ASAP1: variants seen among roughly 807,000 people sequenced by gnomAD.
ASAP1 encodes the protein ArfGAP with SH3 domain, ankyrin repeat and PH domain 1.
In ASAP1, 43 loss-of-function variants were observed where a neutral mutation model predicts 145.2. The observed-to-expected ratio is 0.30, with a 90% CI of 0.23 to 0.38. ASAP1 has a LOEUF of 0.38. Among genes scored for constraint, ASAP1 ranks in the 10% least tolerant of loss-of-function variants. The pLI is 1.00. For missense variants in ASAP1, 1,018 were observed against 1,355.3 expected (o/e 0.75, Z 3.91); for synonymous variants, 546 against 515.5 (o/e 1.06, Z -0.80).
Position 130,358,099 on chromosome 8 carries a change from G to A in ASAP1, c.104C>T (p.Thr35Ile). ...ISVSEFIAET[T>I]EDYNSPTTSS... ...CGTGGTGGGCGAGTTGTAGTCCTCGGTGGTCTCGGCGATGAACTCCGAGAC... is the reference window on the plus strand; with the variant it reads ...CGTGGTGGGCGAGTTGTAGTCCTCGATGGTCTCGGCGATGAACTCCGAGAC... Residue 35 changes from threonine to isoleucine, a missense_variant, in exon 3 of 30, where the codon ACC (threonine) becomes ATC (isoleucine). By Grantham distance (89) the Thr-to-Ile change is moderately conservative (BLOSUM62 -1). This residue lies in a region of ASAP1 where 106 missense variants were observed against 134.5 expected (regional missense o/e 0.79). Transcript: ENST00000518721. This position sits in a 1 kb window ranked among gnomAD's most constrained non-coding sequence, Gnocchi z 4.1. 2 of 1,610,292 alleles carry A rather than the reference G, an allele frequency of 1.2e-6. No individual in the cohort carries two copies. The highest frequency in any genetic ancestry group is 8.5e-7 in the Non-Finnish European group (1 of 1,178,848).
At chr8:130,381,402 T>C (rs1169056642) in intron 2 of ASAP1, among the ~76,000 whole-genome samples, 1 of 152,032 alleles carries the variant, frequency 6.6e-6, no homozygotes, top group Admixed American at 6.6e-5. Flanking sequence ...GAAAGAAAAA[T>C]TATTAATGAG....
At chr8:130,271,774 T>C in intron 3 of ASAP1, among the ~76,000 whole-genome samples, 1 of 152,264 alleles carries the variant, frequency 6.6e-6, no homozygotes, top group African/African-American at 2.4e-5. Context: ...CATTTTCACA[T>C]AGTCATCCCT....
At chr8:130,356,188 G>A (rs946214690) in intron 3 of ASAP1, among the ~76,000 whole-genome samples, 3 of 152,116 alleles carry the variant, frequency 2.0e-5, no homozygotes, top group South Asian at 2.1e-4. Context: ...AAATATGCTC[G>A]CATACCTCTA....
intron 3 of ASAP1, 143 bp downstream of exon 3, chr8:130,357,874 G>T: frequency 2.6e-6 from 3 of 1,156,644 alleles, no homozygotes; most frequent in Non-Finnish European, 3.6e-6. Flanking sequence ...CCCGTCCGAA[G>T]TCCCTTATTC....
chr8:130,073,124 T>C (rs1014438769), intron 27 of ASAP1, among the ~76,000 whole-genome samples: 2 of 151,098 alleles, frequency 1.3e-5, no homozygotes, highest in South Asian at 4.2e-4. Flanking sequence ...TGGTAGGAGA[T>C]AGAAATGTGG....
At chr8:130,408,059 A>C (rs1223314166) in intron 1 of ASAP1, among the ~76,000 whole-genome samples, 2 of 152,244 alleles carry the variant, frequency 1.3e-5, no homozygotes, top group African/African-American at 4.8e-5. Flanking sequence ...TCAGAAGCCC[A>C]ACTTGTCTAG....
intron 2 of ASAP1, among the ~76,000 whole-genome samples, chr8:130,377,914 T>C (rs997846528): frequency 1.3e-5 from 2 of 152,186 alleles, no homozygotes; most frequent in African/African-American, 2.4e-5. Flanking sequence ...CACACTTCTC[T>C]CTTATTAAAC....
intron 10 of ASAP1, among the ~76,000 whole-genome samples, chr8:130,168,015 T>C (rs2097683494): frequency 6.6e-6 from 1 of 152,166 alleles, no homozygotes; most frequent in Non-Finnish European, 1.5e-5. Flanking sequence ...AATGCATACA[T>C]CAAAGTTTAC....
intron 15 of ASAP1, among the ~76,000 whole-genome samples, chr8:130,128,323 G>A (rs1207943960): frequency 6.6e-6 from 1 of 151,996 alleles, no homozygotes; most frequent in African/African-American, 2.4e-5. Context: ...ATGAGAGAGA[G>A]GAGAGGAGCA....
At chr8:130,151,123 A>G (rs1482409581) in intron 13 of ASAP1, among the ~76,000 whole-genome samples, 1 of 152,146 alleles carries the variant, frequency 6.6e-6, no homozygotes, top group Non-Finnish European at 1.5e-5. Context: ...CTGTAATCCC[A>G]GCACTTTGGG....
In ASAP1 at chr8:130,351,756, C is replaced by A. The variant is rs905971191; in HGVS notation, c.186+6261G>T. Among the ~76,000 whole-genome samples the A allele has an allele frequency of 3.3e-5, 5 of 152,304 alleles. No individual in the cohort carries two copies. The East Asian group carries it at 5.8e-4, about 18-fold the overall frequency. ...TGATGATGCTAAACCATTCATGAGG[C>A]ATCCGCCCCCACGATCCAATCACAT... On this transcript the variant is annotated intron_variant, in intron 3 of 29. Coordinates refer to ENST00000518721, the MANE Select transcript of ASAP1 (RefSeq NM_018482.4).
At chr8:130,243,137 G>A (rs923352366) in intron 3 of ASAP1, among the ~76,000 whole-genome samples, 11 of 152,204 alleles carry the variant, frequency 7.2e-5, no homozygotes, top group African/African-American at 2.6e-4. Context: ...CCACAGCAAA[G>A]CAGCAGCAGC....
intron 3 of ASAP1, among the ~76,000 whole-genome samples, chr8:130,275,418 A>C (rs1820819048): frequency 6.6e-6 from 1 of 152,190 alleles, no homozygotes; most frequent in Non-Finnish European, 1.5e-5. Context: ...CAGATGGATG[A>C]CCCAGGTCAA....
At chr8:130,283,515 G>A (rs1197589263) in intron 3 of ASAP1, among the ~76,000 whole-genome samples, 1 of 145,966 alleles carries the variant, frequency 6.9e-6, no homozygotes, top group Non-Finnish European at 1.5e-5. Flanking sequence ...AGGAGGCAGA[G>A]GCTGCAGTGA....
At chr8:130,401,709 C>T (rs1306500963) in intron 2 of ASAP1, among the ~76,000 whole-genome samples, 176 bp downstream of exon 2, 2 of 152,094 alleles carry the variant, frequency 1.3e-5, no homozygotes, top group African/African-American at 4.8e-5. Context: ...ACATAGTAGG[C>T]AGTCTACACC....
chr8:130,217,302 TTTTTTTTTGG>T (rs1007887228), intron 4 of ASAP1, among the ~76,000 whole-genome samples: 2 of 151,084 alleles, frequency 1.3e-5, no homozygotes, highest in African/African-American at 2.4e-5. Context: ...AAGTCATATC[TTTTTTTTTGG>T]TTTTTTTTGG....
At chr8:130,101,730 TAA>T (rs1457283387) in intron 24 of ASAP1, among the ~76,000 whole-genome samples, 3 of 123,466 alleles carry the variant, frequency 2.4e-5, no homozygotes, top group Admixed American at 8.6e-5. Context: ...CACACCTGGT[TAA>T]TTTTTTTTTT....
At chr8:130,263,496 AAAG>A (rs1411630202) in intron 3 of ASAP1, among the ~76,000 whole-genome samples, 1 of 152,192 alleles carries the variant, frequency 6.6e-6, no homozygotes, top group African/African-American at 2.4e-5. Context: ...TAAATACAAA[AAAG>A]AAGACATCCT....
intron 27 of ASAP1, among the ~76,000 whole-genome samples, chr8:130,071,264 G>A (rs1213723276): frequency 2.0e-5 from 3 of 152,006 alleles, no homozygotes; most frequent in South Asian, 2.1e-4. Context: ...GAGCCACTGC[G>A]CCCAACACTT....
Sources: allele counts gnomAD v4.1 joint callset (sites outside exome capture counted in the v4.1 genomes callset), GRCh38; gene constraint gnomAD v4.1.1; regional missense constraint gnomAD v4.1.1; non-coding constraint Gnocchi (gnomAD v3.1); transcripts MANE v1.5; gene names NCBI Gene and HGNC (gene_info 2026-07-23, HGNC 2026-07-21).